The following PDZD8 variants were observed in gnomAD, a reference collection of about 807,000 sequenced individuals.
The protein encoded by PDZD8 is PDZ domain containing 8, also known as PDZ domain-containing protein 8.
PDZD8 carries 14 observed loss-of-function variants against 85.8 expected under a neutral mutation model. The observed-to-expected ratio is 0.16, with a 90% confidence interval of 0.11 to 0.26. The LOEUF is 0.26. Among genes scored for constraint, PDZD8 ranks in the 10% least tolerant of loss-of-function variants. PDZD8 has a pLI of 1.00. For missense variants in PDZD8, 1,197 were observed against 1,424.3 expected (o/e 0.84, Z 2.57); for synonymous variants, 592 against 568.6 (o/e 1.04, Z -0.59).
At chr10:117,310,833 G>GC (rs1844024630) in intron 3 of PDZD8, among the ~76,000 whole-genome samples, 1 of 152,086 alleles carries the variant, frequency 6.6e-6, no homozygotes, top group Non-Finnish European at 1.5e-5. Context: ...GCACCAAAAT[G>GC]CTATCTGCAA....
At chr10:117,322,865 T>C (rs575389701) in intron 2 of PDZD8, among the ~76,000 whole-genome samples, 30 of 152,116 alleles carry the variant, frequency 2.0e-4, no homozygotes, top group Non-Finnish European at 3.4e-4. Flanking sequence ...CACAAGAAAA[T>C]ATCCATGCAA....
intron 3 of PDZD8, among the ~76,000 whole-genome samples, chr10:117,300,387 G>T (rs1843826141): frequency 6.6e-6 from 1 of 152,172 alleles, no homozygotes; most frequent in Non-Finnish European, 1.5e-5. Context: ...ATGTCTGAAA[G>T]TAGAAATATT....
At chr10:117,333,025 A>G (rs923486468) in intron 2 of PDZD8, among the ~76,000 whole-genome samples, 4 of 148,224 alleles carry the variant, frequency 2.7e-5, no homozygotes, top group African/African-American at 9.9e-5. Context: ...AAGCTGAGGC[A>G]GGAGAATCAC....
chr10:117,359,474 G>C (rs1471632416), intron 1 of PDZD8, among the ~76,000 whole-genome samples: 5 of 151,400 alleles, frequency 3.3e-5, no homozygotes, highest in Non-Finnish European at 5.9e-5. Context: ...ACTTTGGGAG[G>C]CCGAGGCGGG....
intron 3 of PDZD8, among the ~76,000 whole-genome samples, chr10:117,294,505 A>G (rs901390683): frequency 1.3e-5 from 2 of 152,218 alleles, no homozygotes; most frequent in Non-Finnish European, 2.9e-5. Context: ...ACTATTGGGT[A>G]TATAGTCAAA....
At chr10:117,362,317 A>G (rs1198498930) in intron 1 of PDZD8, among the ~76,000 whole-genome samples, 1 of 152,156 alleles carries the variant, frequency 6.6e-6, no homozygotes, top group Non-Finnish European at 1.5e-5. Flanking sequence ...AAATAATGCC[A>G]TCTTACATTT....
At chr10:117,357,018 TAAGAA>T (rs1301990629) in intron 1 of PDZD8, among the ~76,000 whole-genome samples, 2 of 152,186 alleles carry the variant, frequency 1.3e-5, no homozygotes, top group African/African-American at 4.8e-5. Flanking sequence ...TGTTTAAAGA[TAAGAA>T]AAGAATGCAT....
At chr10:117,285,567 T>C (rs1268436936) in intron 4 of PDZD8, 96 bp from the exon 5 acceptor site, 1 of 1,172,272 alleles carries the variant, frequency 8.5e-7, no homozygotes, top group African/African-American at 1.6e-5. Flanking sequence ...ATAATTGCCA[T>C]TACCTCTGGT....
chr10:117,364,479 G>GCA (rs141790393), intron 1 of PDZD8, among the ~76,000 whole-genome samples: 6 of 150,820 alleles, frequency 4.0e-5, no homozygotes, highest in East Asian at 2.0e-4. Context: ...AGACACACAC[G>GCA]CACACACACA....
chr10:117,283,644 T>A lies in PDZD8; in HGVS notation c.3089A>T (p.Glu1030Val). 6.2e-7 allele frequency: 1 copy of A among 1,614,234 alleles called. No homozygotes were observed. The highest frequency in any genetic ancestry group is 8.5e-7 in the Non-Finnish European group (1 of 1,180,034). ...GRDLYRGLPT[E>V]ERIQKLEFML... is the part of the protein sequence containing the mutation. Reference sequence around the variant, plus strand: ...GAACTCTAGTTTCTGGATCCTTTCCTCTGTAGGCAAGCCCCTGTACAGATC... The same window carrying A: ...GAACTCTAGTTTCTGGATCCTTTCCACTGTAGGCAAGCCCCTGTACAGATC... The change falls in exon 5 of 5, where the codon GAG becomes GTG. Residue 1030 changes from glutamate (E) to valine (V), a missense_variant. Transcript: ENST00000334464.
rs772553572 is a variant in PDZD8 at position 117,284,427 on chromosome 10, G to C, written c.2306C>G (p.Thr769Ser). The C allele has an allele frequency of 1.2e-6, 2 of 1,614,146 alleles. No individual in the cohort carries two copies. Among genetic ancestry groups the C allele is most frequent in the Non-Finnish European group, 1.7e-6 (2 of 1,180,020 alleles). Residue 769 changes from threonine (T) to serine (S), a missense_variant, in exon 5 of 5, where the codon ACC (threonine) becomes AGC (serine). Coordinates refer to ENST00000334464, the MANE Select transcript of PDZD8 (RefSeq NM_173791.5). Reference protein sequence around the residue: ...APSPKAIVTRTALRNLSMQKG... With the variant: ...APSPKAIVTRSALRNLSMQKG... ...TTGCATACTCAGATTGCGTAGTGCG[G>C]TTCTAGTGACTATAGCCTTAGGTGA...
chr10:117,375,094 A>C lies in PDZD8; in HGVS notation c.134T>G (p.Phe45Cys). 6.3e-7 allele frequency: 1 copy of C among 1,597,402 alleles called. No homozygotes were observed. Among genetic ancestry groups the C allele is most frequent in the South Asian group, 1.1e-5 (1 of 90,298 alleles). ...GCCCGGCACTGGCTTGATGTAGCGG[A>C]AGCCCTCGCCCGCGCGGGCGGCCTC... ...ADEAARAGEG[F>C]RYIKPVPGLL... The change falls in exon 1 of 5, where the codon TTC becomes TGC. Residue 45 changes from phenylalanine (F) to cysteine (C), a missense_variant. Phe to Cys is a radical substitution (Grantham distance 205, BLOSUM62 -2). Coordinates refer to ENST00000334464, the MANE Select transcript of PDZD8 (RefSeq NM_173791.5).
intron 3 of PDZD8, 37 bp from the exon 4 acceptor site, chr10:117,290,385 T>C (rs201447237): frequency 6.6e-7 from 1 of 1,515,780 alleles, no homozygotes; most frequent in Non-Finnish European, 9.1e-7. Flanking sequence ...ACTGATTCAA[T>C]GGATTCCTAG....
chr10:117,337,647 G>A (rs759145332), intron 2 of PDZD8, among the ~76,000 whole-genome samples: 14 of 152,044 alleles, frequency 9.2e-5, no homozygotes, highest in Non-Finnish European at 1.8e-4. Flanking sequence ...AAAACATGCC[G>A]TTTTTTCTTC....
chr10:117,301,403 T>A (rs2794420), intron 3 of PDZD8, among the ~76,000 whole-genome samples: 1 of 152,210 alleles, frequency 6.6e-6, no homozygotes, highest in Admixed American at 6.5e-5. Flanking sequence ...AAGTATAAGA[T>A]AATTATTTCC....
intron 3 of PDZD8, 53 bp from the exon 4 acceptor site, chr10:117,290,401 G>GAGGAAAAAAACAGT: frequency 7.0e-7 from 1 of 1,428,894 alleles, no homozygotes; most frequent in Non-Finnish European, 9.6e-7. Context: ...CCTAGTAATA[G>GAGGAAAAAAACAGT]AGGAAAAAAA....
chr10:117,326,438 A>G (rs1168881126), intron 2 of PDZD8, among the ~76,000 whole-genome samples: 2 of 152,220 alleles, frequency 1.3e-5, no homozygotes, highest in Non-Finnish European at 2.9e-5. Flanking sequence ...AGACTTTGGA[A>G]CAAGCCTCCT....
At position 117,290,212 on chromosome 10, in the gene PDZD8, C is replaced by G; in HGVS notation, c.1235G>C (p.Arg412Pro). Reference sequence around the variant, plus strand: ...TCCAATGGCGATAAGTCGATCTCCCCGCTGAAGATCTGCAATTGCAGCAGG... The same window carrying G: ...TCCAATGGCGATAAGTCGATCTCCCGGCTGAAGATCTGCAATTGCAGCAGG... The part of the protein sequence containing the change: ...NSPAAIADLQ[R>P]GDRLIAIGGV... Residue 412 changes from arginine (R) to proline (P), a missense_variant, in exon 4 of 5, where the codon CGG becomes CCG. Arg to Pro is a moderately radical substitution (Grantham distance 103). Transcript: ENST00000334464. 2 of 1,613,934 alleles carry G rather than the reference C, an allele frequency of 1.2e-6. No individual in the cohort carries two copies. Among genetic ancestry groups the G allele is most frequent in the Non-Finnish European group, 8.5e-7 (1 of 1,179,912 alleles).
chr10:117,374,174 T>C lies in PDZD8; in HGVS notation c.872+182A>G, dbSNP rs1408295858. On this transcript the variant is annotated intron_variant, in intron 1 of 4. Coordinates refer to ENST00000334464, the MANE Select transcript of PDZD8 (RefSeq NM_173791.5). This position sits in a 1 kb window ranked among gnomAD's most constrained non-coding sequence, Gnocchi z 7.8. ...CGAAAAGGTTTCTAGCTCCTATCAA[T>C]GCCGTTCGGAAGCAAAGCAAGTGTT... Among the ~76,000 whole-genome samples the C allele has an allele frequency of 1.3e-5, 2 of 152,200 alleles. No individual in the cohort carries two copies. The highest frequency in any genetic ancestry group is 3.9e-4 in the East Asian group (2 of 5,190).
Sources: allele counts gnomAD v4.1 joint callset (sites outside exome capture counted in the v4.1 genomes callset), GRCh38; gene constraint gnomAD v4.1.1; non-coding constraint Gnocchi (gnomAD v3.1); transcripts MANE v1.5; gene names NCBI Gene and HGNC (gene_info 2026-07-23, HGNC 2026-07-21).